NRXN3: variants seen among roughly 807,000 people sequenced by gnomAD.
NRXN3 encodes neurexin 3, also known as neurexin III.
Under a neutral mutation model 137.6 loss-of-function variants are expected in NRXN3, and 32 were observed. The ratio of observed to expected loss-of-function variants is 0.23; its 90% CI spans 0.18 to 0.31. The LOEUF (loss-of-function observed/expected upper bound fraction) is 0.31. Among genes scored for constraint, NRXN3 ranks in the 10% least tolerant of loss-of-function variants. The pLI is 1.00. For synonymous variants in NRXN3, 798 were observed against 784.5 expected (o/e 1.02, Z -0.29); for missense variants, 1,574 against 2,062.5 (o/e 0.76, Z 4.59).
chr14:78,772,480 C>T (rs1210740882), intron 8 of NRXN3, among the ~76,000 whole-genome samples: 1 of 152,158 alleles, frequency 6.6e-6, no homozygotes, highest in Non-Finnish European at 1.5e-5. Context: ...TCATTCATGA[C>T]TTTTCCAAAG....
chr14:78,307,427 C>G (rs1374801303), intron 4 of NRXN3, among the ~76,000 whole-genome samples: 1 of 151,986 alleles, frequency 6.6e-6, no homozygotes, highest in Non-Finnish European at 1.5e-5. Context: ...AGTAGGCAGG[C>G]TCTAGATTGC....
At chr14:78,624,050 G>T (rs1313357013) in intron 4 of NRXN3, among the ~76,000 whole-genome samples, 1 of 152,230 alleles carries the variant, frequency 6.6e-6, no homozygotes, top group Non-Finnish European at 1.5e-5. Flanking sequence ...GACTTGATTA[G>T]CGTGCCCTTT....
intron 8 of NRXN3, among the ~76,000 whole-genome samples, chr14:78,769,251 C>A (rs1024187091): frequency 7.2e-5 from 11 of 152,328 alleles, no homozygotes; most frequent in Non-Finnish European, 1.6e-4. Flanking sequence ...ATATGTATTT[C>A]TTATTATATC....
At chr14:79,672,423 T>C (rs897227478) in intron 17 of NRXN3, among the ~76,000 whole-genome samples, 1 of 152,098 alleles carries the variant, frequency 6.6e-6, no homozygotes, top group Admixed American at 6.6e-5. Context: ...TTAAATAATA[T>C]CTTTCAAGAT....
chr14:78,913,187 C>T (rs1224965122), intron 10 of NRXN3, among the ~76,000 whole-genome samples: 3 of 151,314 alleles, frequency 2.0e-5, no homozygotes, highest in Admixed American at 6.6e-5. Flanking sequence ...ATTTTTACAG[C>T]TTCCTTACAT....
chr14:79,020,641 A>T (rs1363773753), intron 15 of NRXN3, among the ~76,000 whole-genome samples: 1 of 151,942 alleles, frequency 6.6e-6, no homozygotes, highest in African/African-American at 2.4e-5. Flanking sequence ...GCTTGATTAG[A>T]GGGGTGGAAG....
At chr14:78,321,219 T>C (rs2079320022) in intron 4 of NRXN3, among the ~76,000 whole-genome samples, 2 of 152,128 alleles carry the variant, frequency 1.3e-5, no homozygotes, top group Non-Finnish European at 1.5e-5. Context: ...AACCCCATCT[T>C]GAGCTCTTTC....
intron 1 of NRXN3, among the ~76,000 whole-genome samples, chr14:78,237,694 C>T (rs1435931870): frequency 2.6e-5 from 4 of 152,194 alleles, no homozygotes; most frequent in Admixed American, 6.5e-5. Flanking sequence ...GTTGACTAAA[C>T]TGGATCATAT....
intron 4 of NRXN3, among the ~76,000 whole-genome samples, chr14:78,638,919 T>C (rs1280336623): frequency 6.6e-6 from 1 of 152,206 alleles, no homozygotes; most frequent in Admixed American, 6.5e-5. Flanking sequence ...TCTGCAGTTG[T>C]GTACTCTTTT....
chr14:78,665,485 C>T (rs1192399700), intron 6 of NRXN3, among the ~76,000 whole-genome samples: 7 of 152,134 alleles, frequency 4.6e-5, no homozygotes, highest in Non-Finnish European at 1.5e-5. Flanking sequence ...CAATTACCTC[C>T]CACCGGGTTC....
intron 4 of NRXN3, among the ~76,000 whole-genome samples, chr14:78,387,595 A>T (rs2090158443): frequency 6.6e-6 from 1 of 152,190 alleles, no homozygotes; most frequent in African/African-American, 2.4e-5. Context: ...ACGTGGCCTA[A>T]TTGGCCCCTC....
rs112120655 is a variant in NRXN3, at chr14:78,639,477, A to G, written c.758-5643A>G. 7.3e-4 allele frequency among the ~76,000 whole-genome samples: 111 copies of G among 152,262 alleles called. 1 individual carries two copies. Among genetic ancestry groups the G allele is most frequent in the African/African-American group, 2.6e-3 (108 of 41,540 alleles). ...CTAAGTATCTAAAAATTCCATTTCT[A>G]AGGCTCTCTGTTGGAGGTAAAGAGT... On this transcript the variant is annotated intron_variant, in intron 4 of 20. Coordinates refer to ENST00000335750, the MANE Select transcript of NRXN3 (RefSeq NM_001330195.2).
At chr14:79,781,623 CT>C (rs2099114181) in intron 19 of NRXN3, among the ~76,000 whole-genome samples, 1 of 152,190 alleles carries the variant, frequency 6.6e-6, no homozygotes, top group South Asian at 2.1e-4. Context: ...CTTTTTCAGT[CT>C]GGAGCAGAGA....
chr14:79,382,842 C>T (rs553928257), intron 15 of NRXN3, among the ~76,000 whole-genome samples: 36 of 152,192 alleles, frequency 2.4e-4, no homozygotes, highest in Admixed American at 1.4e-3. Context: ...TCCAACTTTA[C>T]GATTGACTTT....
At chr14:79,073,734 C>T (rs992086866) in intron 15 of NRXN3, among the ~76,000 whole-genome samples, 1 of 152,170 alleles carries the variant, frequency 6.6e-6, no homozygotes, top group African/African-American at 2.4e-5. Flanking sequence ...TCTATCTGCA[C>T]ATGGCTGTTG....
chr14:79,126,825 C>G (rs1018434488), intron 15 of NRXN3, among the ~76,000 whole-genome samples: 1 of 152,184 alleles, frequency 6.6e-6, no homozygotes, highest in Non-Finnish European at 1.5e-5. Flanking sequence ...TCCACATCCT[C>G]TCCAGCACCT....
intron 19 of NRXN3, among the ~76,000 whole-genome samples, chr14:79,774,943 T>TGTGTGTGTGTGTAG (rs2099091956): frequency 6.7e-6 from 1 of 149,418 alleles, no homozygotes; most frequent in African/African-American, 2.4e-5. Flanking sequence ...ATATATAGTA[T>TGTGTGTGTGTGTAG]GTGTGTGTGT....
chr14:79,428,262 G>A (rs1027612879), intron 15 of NRXN3, among the ~76,000 whole-genome samples: 1 of 152,092 alleles, frequency 6.6e-6, no homozygotes, highest in Non-Finnish European at 1.5e-5. Context: ...TAAAGTCGTC[G>A]TATGTTTTGT....
intron 4 of NRXN3, among the ~76,000 whole-genome samples, chr14:78,365,652 T>A (rs2085816796): frequency 6.6e-6 from 1 of 152,180 alleles, no homozygotes; most frequent in Admixed American, 6.5e-5. Context: ...CCAGTCTTGA[T>A]CAGAGTGGAA....
Sources: gnomAD v4.1 joint callset for allele counts (sites outside exome capture counted in the v4.1 genomes callset) on GRCh38, gnomAD v4.1.1 for gene constraint, MANE v1.5 for transcripts, NCBI Gene and HGNC (gene_info 2026-07-23, HGNC 2026-07-21) for gene names.